FER1L6: variants seen among roughly 807,000 people sequenced by gnomAD.
FER1L6 encodes the protein fer-1 like family member 6.
In FER1L6, 177 loss-of-function variants were observed where a neutral mutation model predicts 219.2. The observed-to-expected ratio is 0.81, with a 90% confidence interval of 0.71 to 0.91. The LOEUF is 0.91. Among genes scored for constraint, FER1L6 ranks in the 40% least tolerant of loss-of-function variants. The probability of loss-of-function intolerance (pLI) is 0.00; values close to 1 mark genes in which losing one functional copy is unlikely to be tolerated. For synonymous variants in FER1L6, 768 were observed against 824.3 expected (o/e 0.93, Z 1.17); for missense variants, 2,153 against 2,259.9 (o/e 0.95, Z 0.96).
chr8:123,966,298 A>T lies in FER1L6; in HGVS notation c.384+8A>T. 1.2e-6 allele frequency: 2 copies of T among 1,614,032 alleles called. No individual in the cohort carries two copies. The highest frequency in any genetic ancestry group is 1.7e-6 in the Non-Finnish European group (2 of 1,179,922). On this transcript the variant is annotated splice_region_variant and intron_variant, in intron 5 of 40. Transcript: ENST00000522917. ...AGCCCATTTTATAATGAAGTAAGTC[A>T]TGGAGGTCACCCACAGCTTTTGCAC...
intron 1 of FER1L6, among the ~76,000 whole-genome samples, chr8:123,882,974 G>A (rs143305188): frequency 0.011 from 1,612 of 152,294 alleles, 23 homozygotes; most frequent in African/African-American, 0.037. Flanking sequence ...GGGTATACAT[G>A]TGTGGGGGTT....
chr8:124,069,319 C>A, intron 28 of FER1L6, 41 bp from the exon 29 acceptor site: 3 of 1,449,178 alleles, frequency 2.1e-6, no homozygotes, highest in South Asian at 2.3e-5. Context: ...CTTCTCATCT[C>A]AACCGCCATG....
rs80140850 is a variant in FER1L6, at chr8:123,975,926, C to T, written c.712C>T (p.Leu238=). The change falls in exon 9 of 41, where the codon CTG becomes TTG. Residue 238 remains leucine, a synonymous_variant. Coordinates refer to ENST00000522917, the MANE Select transcript of FER1L6 (RefSeq NM_001039112.2). ...CCTTTTGATCCCCAATGGGTTTCCA[C>T]TGGAGAGACCGTGGGCCAGATTCTA... ...KNLLIPNGFP[L]ERPWARFYVR... 1.3e-3 allele frequency: 2,161 copies of T among 1,612,336 alleles called. 19 individuals are homozygous for T. The African/African-American group carries it at 0.026, about 19-fold the overall frequency.
In FER1L6 at chr8:124,060,652, G is replaced by A; in HGVS notation, c.3090G>A (p.Val1030=). The change falls in exon 24 of 41, where the codon GTG becomes GTA. Residue 1030 remains valine, a synonymous_variant. Coordinates refer to ENST00000522917, the MANE Select transcript of FER1L6 (RefSeq NM_001039112.2). Reference sequence around the variant, plus strand: ...GAGGACAAGGTGTGAAGTCCTGCGTGATCCAGAGCTACAAGAACAACCCGA... The same window carrying A: ...GAGGACAAGGTGTGAAGTCCTGCGTAATCCAGAGCTACAAGAACAACCCGA... ...ECGGQGVKSC[V]IQSYKNNPNF... 3 of 1,614,138 alleles carry A rather than the reference G, an allele frequency of 1.9e-6. No individual in the cohort carries two copies.
At chr8:124,012,818 G>A (rs1586590114) in intron 14 of FER1L6, among the ~76,000 whole-genome samples, 1 of 152,224 alleles carries the variant, frequency 6.6e-6, no homozygotes, top group East Asian at 1.9e-4. Context: ...TAGCAAAGGA[G>A]TAGTAACACA....
intron 1 of FER1L6, among the ~76,000 whole-genome samples, chr8:123,945,653 A>G (rs930314534): frequency 5.3e-5 from 8 of 152,332 alleles, no homozygotes; most frequent in African/African-American, 1.9e-4. Context: ...TTGCCTCATT[A>G]TATTGCAAAT....
Position 124,013,385 on chromosome 8 carries a change from C to T in FER1L6, c.1822-46C>T, listed in dbSNP as rs763118061. 1.5e-5 allele frequency: 18 copies of T among 1,198,672 alleles called. No individual in the cohort carries two copies. The South Asian group carries it at 2.4e-4, about 16-fold the overall frequency. 74.3% of individuals were successfully genotyped at this position (1,198,672 alleles called of 1,614,324 possible). ...TATAATTAGTATCTCTACTACCAAT[C>T]TCATTACCACCGCCTCATCTCTCCA... On this transcript the variant is annotated intron_variant, in intron 14 of 40. Transcript: ENST00000522917.
intron 33 of FER1L6, among the ~76,000 whole-genome samples, chr8:124,082,744 TAG>T (rs1285156302): frequency 2.0e-5 from 3 of 152,198 alleles, no homozygotes; most frequent in Non-Finnish European, 4.4e-5. Flanking sequence ...TGCCTTGAAA[TAG>T]AGTTTCCCTG....
In FER1L6 at chr8:123,912,955, C is replaced by T. The variant is rs149118624; in HGVS notation, c.-7-43037C>T. ...CGGAAGAGAAGAGGAGTCAGATCAC[C>T]GGGTGTTAGACCCATCTCTTCACCA... On this transcript the variant is annotated intron_variant, in intron 1 of 40. Coordinates refer to ENST00000522917, the MANE Select transcript of FER1L6 (RefSeq NM_001039112.2). 7.0e-4 allele frequency among the ~76,000 whole-genome samples: 106 copies of T among 152,160 alleles called. 1 individual carries two copies. In the East Asian group the frequency reaches 0.016, roughly 23 times the overall value.
At chr8:124,068,561 A>C (rs544210512) in intron 28 of FER1L6, among the ~76,000 whole-genome samples, 68 of 152,208 alleles carry the variant, frequency 4.5e-4, no homozygotes, top group African/African-American at 1.6e-3. Flanking sequence ...TTTGCGCAAG[A>C]CCCTTAGGAT....
At chr8:124,001,430 T>C (rs1476181378) in intron 12 of FER1L6, among the ~76,000 whole-genome samples, 1 of 152,204 alleles carries the variant, frequency 6.6e-6, no homozygotes, top group Non-Finnish European at 1.5e-5. Context: ...GCTTCTCTGC[T>C]CTCATGCTCT....
chr8:123,977,728 T>C (rs953114783), intron 10 of FER1L6, 119 bp downstream of exon 10: 41 of 849,124 alleles, frequency 4.8e-5, no homozygotes, highest in Non-Finnish European at 6.5e-5. Context: ...AGATACCAGT[T>C]TTATGGAAGA....
intron 1 of FER1L6, among the ~76,000 whole-genome samples, chr8:123,880,731 A>C (rs1817094078): frequency 6.6e-6 from 1 of 152,228 alleles, no homozygotes; most frequent in African/African-American, 2.4e-5. Flanking sequence ...AAGGAAATGG[A>C]ATGGTGAATA....
chr8:123,948,927 G>A (rs1288044725), intron 1 of FER1L6, among the ~76,000 whole-genome samples: 1 of 152,160 alleles, frequency 6.6e-6, no homozygotes, highest in Non-Finnish European at 1.5e-5. Context: ...AAAGATGGCT[G>A]TGGAATAGAG....
intron 35 of FER1L6, among the ~76,000 whole-genome samples, chr8:124,095,245 C>A (rs1027238672): frequency 1.1e-4 from 17 of 152,192 alleles, no homozygotes; most frequent in African/African-American, 3.9e-4. Context: ...CTAGAAAACA[C>A]AAGACAGCTT....
intron 1 of FER1L6, among the ~76,000 whole-genome samples, chr8:123,883,682 A>C (rs1288634602): frequency 6.6e-6 from 1 of 152,176 alleles, no homozygotes; most frequent in African/African-American, 2.4e-5. Flanking sequence ...AGAACAAGGC[A>C]TCGGTAGATT....
chr8:124,104,473 T>G (rs1159179984), intron 39 of FER1L6, among the ~76,000 whole-genome samples: 1 of 151,794 alleles, frequency 6.6e-6, no homozygotes, highest in Non-Finnish European at 1.5e-5. Flanking sequence ...GAGTTGAGGG[T>G]TCAAACAGGA....
At chr8:124,015,275 C>T (rs1818133966) in intron 15 of FER1L6, among the ~76,000 whole-genome samples, 1 of 152,060 alleles carries the variant, frequency 6.6e-6, no homozygotes, top group African/African-American at 2.4e-5. Flanking sequence ...GCATGAATTG[C>T]AGGAGGTAGG....
chr8:124,084,803 A>ATATCCTTTTT (rs1441145594), intron 33 of FER1L6, among the ~76,000 whole-genome samples: 1 of 152,082 alleles, frequency 6.6e-6, no homozygotes, highest in Non-Finnish European at 1.5e-5. Context: ...CTTTGGAAGT[A>ATATCCTTTTT]TATCCTTTTT....
Sources: allele counts gnomAD v4.1 joint callset (sites outside exome capture counted in the v4.1 genomes callset), GRCh38; gene constraint gnomAD v4.1.1; transcripts MANE v1.5; gene names NCBI Gene and HGNC (gene_info 2026-07-23, HGNC 2026-07-21).